RBFOX1: variants seen among roughly 807,000 people sequenced by gnomAD.
The protein encoded by RBFOX1 is RNA binding protein fox-1 homolog 1.
Under a neutral mutation model 57.7 loss-of-function variants are expected in RBFOX1, and 8 were observed. The ratio of observed to expected loss-of-function variants is 0.14; its 90% CI spans 0.08 to 0.25. The LOEUF (loss-of-function observed/expected upper bound fraction) is 0.25. RBFOX1 is among the 10% of genes least tolerant of loss of function. The pLI is 1.00. For missense variants in RBFOX1, 611 were observed against 548.5 expected (o/e 1.11, Z -1.14); for synonymous variants, 326 against 222.4 (o/e 1.47, Z -4.15).
intron 1 of RBFOX1, among the ~76,000 whole-genome samples, chr16:5,417,095 A>G (rs1209179021): frequency 6.6e-6 from 1 of 152,250 alleles, no homozygotes; most frequent in Non-Finnish European, 1.5e-5. Flanking sequence ...GCCCTTCTTC[A>G]TTTGGCAAGA....
intron 3 of RBFOX1, among the ~76,000 whole-genome samples, chr16:6,884,927 C>G (rs866289403): frequency 6.6e-6 from 1 of 152,126 alleles, no homozygotes; most frequent in East Asian, 1.9e-4. Context: ...AAAAACCCTG[C>G]AAATATTAAG....
chr16:5,759,856 C>T lies in RBFOX1; in HGVS notation c.319-107447C>T, dbSNP rs114280847. On this transcript the variant is annotated intron_variant, in intron 3 of 19. Coordinates refer to the RBFOX1 transcript ENST00000641259. ...CAGTGCAGGGAAGCCTTTGATACTTCTTGGACATCTTGATCAAACGGCCTT... is the reference window on the plus strand; with the variant it reads ...CAGTGCAGGGAAGCCTTTGATACTTTTTGGACATCTTGATCAAACGGCCTT... 4.4e-3 allele frequency among the ~76,000 whole-genome samples: 663 copies of T among 152,160 alleles called. 8 individuals carry two copies. Among genetic ancestry groups the T allele is most frequent in the African/African-American group, 0.015 (630 of 41,520 alleles).
intron 2 of RBFOX1, among the ~76,000 whole-genome samples, chr16:6,477,438 G>C (rs368840886): frequency 2.0e-5 from 3 of 152,116 alleles, no homozygotes; most frequent in Non-Finnish European, 2.9e-5. Context: ...AGAGCTTTCC[G>C]GTGACCAGAT....
chr16:6,319,456 T>A (rs188065801), intron 2 of RBFOX1, among the ~76,000 whole-genome samples: 1 of 152,264 alleles, frequency 6.6e-6, no homozygotes, highest in East Asian at 1.9e-4. Context: ...GTCGAACAGG[T>A]ACAACAATGG....
chr16:5,987,595 C>T (rs2060307733), intron 4 of RBFOX1, among the ~76,000 whole-genome samples: 1 of 152,034 alleles, frequency 6.6e-6, no homozygotes, highest in South Asian at 2.1e-4. Context: ...TCTAGGTACT[C>T]GGGAGGCAGA....
intron 1 of RBFOX1, among the ~76,000 whole-genome samples, chr16:5,376,461 C>T (rs192784339): frequency 1.1e-4 from 17 of 152,074 alleles, no homozygotes; most frequent in Admixed American, 2.6e-4. Flanking sequence ...ACCCTGCTCA[C>T]TAAGGAGGAC....
chr16:6,762,728 T>G (rs1045326863), intron 3 of RBFOX1, among the ~76,000 whole-genome samples: 2 of 152,018 alleles, frequency 1.3e-5, no homozygotes, highest in Non-Finnish European at 2.9e-5. Context: ...GTTCTAGAGA[T>G]AGAAAAATAG....
intron 2 of RBFOX1, among the ~76,000 whole-genome samples, chr16:5,534,686 C>G (rs561199201): frequency 1.3e-5 from 2 of 152,292 alleles, no homozygotes; most frequent in East Asian, 1.9e-4. Context: ...GTGGGTCTTC[C>G]TTTCCCAGTC....
chr16:5,718,417 T>C (rs2151526396), intron 3 of RBFOX1, among the ~76,000 whole-genome samples: 1 of 152,076 alleles, frequency 6.6e-6, no homozygotes, highest in South Asian at 2.1e-4. Flanking sequence ...AGCCACTGAG[T>C]TTTGGTGTGG....
intron 2 of RBFOX1, among the ~76,000 whole-genome samples, chr16:6,518,825 A>G (rs1490326565): frequency 5.7e-5 from 7 of 123,172 alleles, no homozygotes; most frequent in African/African-American, 1.3e-4. Flanking sequence ...CTATCTATCT[A>G]TCTATCTATC....
chr16:6,859,197 GTA>G (rs796642501), intron 3 of RBFOX1, among the ~76,000 whole-genome samples: 3,531 of 83,708 alleles, frequency 0.042, 145 homozygotes, highest in South Asian at 0.062. Context: ...ATATATATAT[GTA>G]TATATATATA....
intron 3 of RBFOX1, among the ~76,000 whole-genome samples, chr16:7,000,674 G>A (rs780625692): frequency 7.7e-6 from 1 of 129,356 alleles, no homozygotes; most frequent in South Asian, 2.6e-4. Flanking sequence ...GCATGATCTC[G>A]GCTCACTGCA....
intron 1 of RBFOX1, among the ~76,000 whole-genome samples, chr16:6,312,658 TTCCTTC>T (rs2080487567): frequency 5.3e-4 from 1 of 1,884 alleles, no homozygotes; most frequent in Non-Finnish European, 1.9e-3. Context: ...CCTTCTTTCC[TTCCTTC>T]CTTCCTTCCT....
chr16:5,561,977 T>G (rs567334022), intron 2 of RBFOX1, among the ~76,000 whole-genome samples: 54 of 152,250 alleles, frequency 3.5e-4, no homozygotes, highest in African/African-American at 1.3e-3. Context: ...ATTGGTTAAT[T>G]TATTCGCTCA....
intron 4 of RBFOX1, among the ~76,000 whole-genome samples, chr16:7,460,432 T>C (rs1047340833): frequency 2.1e-5 from 3 of 143,236 alleles, no homozygotes; most frequent in Non-Finnish European, 3.0e-5. Context: ...TACATATGTG[T>C]GTGTATATAT....
rs763479891 is a variant in RBFOX1 at position 5,834,730 on chromosome 16, G to GATACATAC, written c.319-32542_319-32535dup. Reference sequence around the variant, plus strand: ...AGATAGATAGATACATAGATACATAGATACATACATACATACATACATACA... The same window carrying GATACATAC: ...AGATAGATAGATACATAGATACATAGATACATACATACATACATACATACATACATACA... On this transcript the variant is annotated intron_variant, in intron 3 of 19. Coordinates refer to the RBFOX1 transcript ENST00000641259. Among the ~76,000 whole-genome samples the GATACATAC allele has an allele frequency of 8.9e-3, 1,298 of 146,394 alleles. 11 individuals are homozygous for GATACATAC. Among genetic ancestry groups the GATACATAC allele is most frequent in the Middle Eastern group, 0.018 (5 of 284 alleles).
chr16:5,911,257 C>G (rs1485039153), intron 4 of RBFOX1, among the ~76,000 whole-genome samples: 1 of 152,102 alleles, frequency 6.6e-6, no homozygotes, highest in Non-Finnish European at 1.5e-5. Flanking sequence ...TGTTTTTCAC[C>G]CCCAGAAAAA....
At chr16:7,363,383 A>G (rs551651305) in intron 4 of RBFOX1, among the ~76,000 whole-genome samples, 3 of 152,172 alleles carry the variant, frequency 2.0e-5, no homozygotes, top group Admixed American at 2.0e-4. Context: ...AACAAAGCCA[A>G]TTGCATTACC....
At chr16:7,128,631 C>G (rs774378852) in intron 4 of RBFOX1, among the ~76,000 whole-genome samples, 2 of 152,102 alleles carry the variant, frequency 1.3e-5, no homozygotes, top group Non-Finnish European at 2.9e-5. Flanking sequence ...CTGACACATT[C>G]TCATTTCTAC....
Sources: allele counts gnomAD v4.1 joint callset (sites outside exome capture counted in the v4.1 genomes callset), GRCh38; gene constraint gnomAD v4.1.1; transcripts MANE v1.5; gene names NCBI Gene and HGNC (gene_info 2026-07-23, HGNC 2026-07-21).